Variants in MPDZ observed in about 807,000 individuals in gnomAD.
The protein encoded by MPDZ is multiple PDZ domain protein.
A neutral mutation model predicts 239.1 loss-of-function variants in MPDZ; 234 were observed. The observed-to-expected ratio is 0.98, with a 90% CI of 0.88 to 1.09. The LOEUF (loss-of-function observed/expected upper bound fraction) is 1.09, where lower values mean the gene tolerates loss of function less well. MPDZ is among the 50% of genes least tolerant of loss of function. The probability of loss-of-function intolerance (pLI) is 0.00; values close to 1 mark genes in which losing one functional copy is unlikely to be tolerated. For synonymous variants in MPDZ, 1,048 were observed against 881.3 expected (o/e 1.19, Z -3.35); for missense variants, 3,175 against 2,510.0 (o/e 1.26, Z -5.66).
intron 19 of MPDZ, among the ~76,000 whole-genome samples, chr9:13,181,910 A>G (rs1240928816): frequency 6.6e-6 from 1 of 152,156 alleles, no homozygotes; most frequent in Admixed American, 6.6e-5. Context: ...AACACATTCC[A>G]GAACACATTC....
At chr9:13,142,747 T>A (rs889903364) in intron 27 of MPDZ, among the ~76,000 whole-genome samples, 11 of 152,148 alleles carry the variant, frequency 7.2e-5, no homozygotes, top group African/African-American at 2.7e-4. Flanking sequence ...CATCTTTGGT[T>A]ATCCATATCA....
In MPDZ at chr9:13,236,245, G is replaced by GTATATATATATATATATA. The variant is rs774590252; in HGVS notation, c.183+11389_183+11390insTATATATATATATATATA. Among the ~76,000 whole-genome samples the GTATATATATATATATATA allele has an allele frequency of 3.8e-3, 51 of 13,454 alleles. 7 individuals are homozygous for GTATATATATATATATATA. The East Asian group carries it at 0.079, about 21-fold the overall frequency. 8.8% of individuals were successfully genotyped at this position (13,454 alleles called of 152,430 possible). On this transcript the variant is annotated intron_variant, in intron 3 of 46. Transcript: ENST00000319217. ...TGTGTGTATATGTATATGTGTGTGT[G>GTATATATATATATATATA]TGTGTATATATATATATATATATTT...
intron 12 of MPDZ, among the ~76,000 whole-genome samples, chr9:13,199,734 T>C (rs13292314): frequency 3.9e-4 from 59 of 152,138 alleles, no homozygotes; most frequent in African/African-American, 1.4e-3. Context: ...ATTGAATGCT[T>C]CTTCAGCATC....
chr9:13,256,592 A>G (rs773570485), intron 1 of MPDZ, among the ~76,000 whole-genome samples: 2 of 152,218 alleles, frequency 1.3e-5, no homozygotes, highest in South Asian at 4.1e-4. Context: ...GAGAGGCCTC[A>G]GAAGAGGGAA....
chr9:13,218,960 A>C (rs912500115), intron 8 of MPDZ, among the ~76,000 whole-genome samples: 1 of 151,964 alleles, frequency 6.6e-6, no homozygotes, highest in Non-Finnish European at 1.5e-5. Context: ...AGTTTTTGTT[A>C]TAACACCAAA....
intron 12 of MPDZ, among the ~76,000 whole-genome samples, chr9:13,202,941 C>T (rs1303900241): frequency 6.6e-6 from 1 of 152,108 alleles, no homozygotes; most frequent in African/African-American, 2.4e-5. Context: ...GTGGGAGGCA[C>T]TTCTAATCTG....
intron 12 of MPDZ, among the ~76,000 whole-genome samples, chr9:13,198,055 A>G (rs1397654936): frequency 2.0e-5 from 3 of 152,168 alleles, no homozygotes; most frequent in Non-Finnish European, 4.4e-5. Context: ...AGCAATGAAC[A>G]TAGGGGTACG....
At position 13,122,105 on chromosome 9, in the gene MPDZ, A is replaced by C. The variant is rs376222561; in HGVS notation, c.5019T>G (p.Ala1673=). ...TCTATACCTCTAAGATCTGATCTCC[A>C]GCCCAGAGTCTTCCATCTTTACATG... ...GAACKDGRLW[A]GDQILEVNGI... is the part of the protein sequence containing the mutation. Residue 1673 remains alanine, a synonymous_variant, in exon 37 of 47, where the codon GCT becomes GCG. Transcript: ENST00000319217. 5.0e-5 allele frequency: 81 copies of C among 1,613,982 alleles called. No individual in the cohort carries two copies. Among genetic ancestry groups the C allele is most frequent in the Non-Finnish European group, 6.3e-5 (74 of 1,179,956 alleles).
chr9:13,119,722 C>G (rs527559810), intron 38 of MPDZ, 73 bp from the exon 39 acceptor site: 2 of 1,573,952 alleles, frequency 1.3e-6, no homozygotes, highest in East Asian at 2.2e-5. Flanking sequence ...TAAAAAGTTA[C>G]GTTTTTACCC....
intron 22 of MPDZ, among the ~76,000 whole-genome samples, 199 bp downstream of exon 22, chr9:13,168,167 T>G (rs1228038036): frequency 1.3e-5 from 2 of 152,082 alleles, no homozygotes; most frequent in Non-Finnish European, 2.9e-5. Flanking sequence ...GTTTCCAAAT[T>G]TTTAATACTG....
At position 13,217,252 on chromosome 9, in the gene MPDZ, C is replaced by T; in HGVS notation, c.1129G>A (p.Asp377Asn). ...TGGACATTTTTAGTGAGTTCTACATCAAATGTCTCACTTTCTTCACCTTTC... is the reference window on the plus strand; with the variant it reads ...TGGACATTTTTAGTGAGTTCTACATTAAATGTCTCACTTTCTTCACCTTTC... Reference protein sequence around the residue: ...TQKGEESETFDVELTKNVQGL... With the variant: ...TQKGEESETFNVELTKNVQGL... The change falls in exon 9 of 47, where the codon GAT becomes AAT. Residue 377 changes from aspartate to asparagine, a missense_variant. Asp to Asn is a conservative substitution (Grantham distance 23, BLOSUM62 1). Transcript: ENST00000319217. 6.2e-7 allele frequency: 1 copy of T among 1,603,348 alleles called. No individual in the cohort carries two copies. The highest frequency in any genetic ancestry group is 8.5e-7 in the Non-Finnish European group (1 of 1,174,332).
chr9:13,184,536 A>AT (rs2035072550), intron 18 of MPDZ, among the ~76,000 whole-genome samples: 1 of 151,906 alleles, frequency 6.6e-6, no homozygotes, highest in South Asian at 2.1e-4. Context: ...TTTTGAAGTG[A>AT]TTTTCTCTTC....
chr9:13,181,731 G>A (rs140913938), intron 19 of MPDZ, among the ~76,000 whole-genome samples: 2 of 152,274 alleles, frequency 1.3e-5, no homozygotes, highest in Non-Finnish European at 2.9e-5. Flanking sequence ...CATTTGCCCT[G>A]TAAAATATAT....
chr9:13,231,041 A>G (rs1312170018), intron 3 of MPDZ, among the ~76,000 whole-genome samples: 1 of 152,118 alleles, frequency 6.6e-6, no homozygotes, highest in African/African-American at 2.4e-5. Flanking sequence ...AAAATGATAC[A>G]ATAAAGAAAT....
At chr9:13,249,443 T>C (rs1453052989) in intron 2 of MPDZ, among the ~76,000 whole-genome samples, 2 of 152,042 alleles carry the variant, frequency 1.3e-5, no homozygotes, top group South Asian at 2.1e-4. Context: ...GAAGGAAATG[T>C]ACATACGTAC....
At chr9:13,269,741 C>T (rs10809924) in intron 1 of MPDZ, among the ~76,000 whole-genome samples, 53,998 of 152,028 alleles carry the variant, frequency 0.36, 10,606 homozygotes, top group East Asian at 0.55. Flanking sequence ...TGTCTAAATC[C>T]GCTGATAAGC....
Position 13,138,001 on chromosome 9 carries a change from C to A in MPDZ, c.4156G>T (p.Ala1386Ser). 1.2e-6 allele frequency: 2 copies of A among 1,613,802 alleles called. No individual in the cohort carries two copies. The highest frequency in any genetic ancestry group is 1.7e-6 in the Non-Finnish European group (2 of 1,179,772). The change falls in exon 29 of 47, where the codon GCA becomes TCA. Residue 1386 changes from alanine to serine, a missense_variant. Transcript: ENST00000319217. ...ATTTGCAATCGACCATCTTTTCCTG[C>A]AGCTCCATTTGGATCAATCCCCACT... ...FIVGIDPNGA[A>S]GKDGRLQIAD... is the part of the protein sequence containing the mutation.
intron 10 of MPDZ, among the ~76,000 whole-genome samples, chr9:13,210,257 A>G (rs1381604438): frequency 1.3e-5 from 2 of 152,214 alleles, no homozygotes; most frequent in South Asian, 2.1e-4. Flanking sequence ...GAAAACAGAA[A>G]TTGTGCTTGA....
rs1959509391 is a variant in MPDZ at position 13,223,581 on chromosome 9, C to T, written c.523G>A (p.Val175Met). 6 of 1,611,480 alleles carry T rather than the reference C, an allele frequency of 3.7e-6. No homozygotes were observed. The highest frequency in any genetic ancestry group is 3.4e-6 in the Non-Finnish European group (4 of 1,178,434). Reference protein sequence around the residue: ...IFVQEIQEGSVAHRDGRLKET... With the variant: ...IFVQEIQEGSMAHRDGRLKET... ...CCGCGACCATCTCACCTATGGGCCA[C>T]ACTGCCCTCTTGTATCTCTTGAACA... The change falls in exon 5 of 47, where the codon GTG (valine) becomes ATG (methionine). Residue 175 changes from valine to methionine, a missense_variant. By Grantham distance (21) the Val-to-Met change is conservative (BLOSUM62 1). Transcript: ENST00000319217.
Sources: gnomAD v4.1 joint callset for allele counts (sites outside exome capture counted in the v4.1 genomes callset) on GRCh38, gnomAD v4.1.1 for gene constraint, MANE v1.5 for transcripts, NCBI Gene and HGNC (gene_info 2026-07-23, HGNC 2026-07-21) for gene names.